The following FAM124B variants were observed in gnomAD, a reference collection of about 807,000 sequenced individuals.
FAM124B encodes the protein family with sequence similarity 124 member B, also known as protein FAM124B.
FAM124B carries 18 observed loss-of-function variants against 19.7 expected under a neutral mutation model. That is an observed-to-expected ratio of 0.92 (90% CI 0.63 to 1.36). FAM124B has a LOEUF of 1.36. FAM124B is among the 40% of genes most tolerant of loss of function. The probability of loss-of-function intolerance (pLI) is 0.00; values close to 1 mark genes in which losing one functional copy is unlikely to be tolerated. For synonymous variants in FAM124B, 223 were observed against 225.2 expected (o/e 0.99, Z 0.09); for missense variants, 540 against 553.3 (o/e 0.98, Z 0.24).
At chr2:224,393,389 A>C (rs1689919104) in intron 1 of FAM124B, among the ~76,000 whole-genome samples, 1 of 152,220 alleles carries the variant, frequency 6.6e-6, no homozygotes, top group African/African-American at 2.4e-5. Context: ...TCTGTTACTT[A>C]TCTGTCCTGC....
At chr2:224,400,336 C>T (rs569398820) in intron 1 of FAM124B, 10 of 617,866 alleles carry the variant, frequency 1.6e-5, no homozygotes, top group African/African-American at 7.3e-5. Flanking sequence ...AGTGAGACCC[C>T]GTCTCTAGAA....
In FAM124B at chr2:224,379,674, G is replaced by C; in HGVS notation, c.1267C>G (p.Gln423Glu). The C allele has an allele frequency of 6.4e-7, 1 of 1,551,590 alleles. No homozygotes were observed. The highest frequency in any genetic ancestry group is 8.7e-7 in the Non-Finnish European group (1 of 1,146,986). ...GTCTTCCTGGTACCAAGGTCCCTTT[G>C]GCCAGCAAGTGGCAAAGGAGAGACT... Reference protein sequence around the residue: ...ERVSPLPLAGQRDLGTRKTIS... With the variant: ...ERVSPLPLAGERDLGTRKTIS... Residue 423 changes from glutamine (Q) to glutamate (E), a missense_variant, in exon 2 of 2, where the codon CAA becomes GAA. By Grantham distance (29) the Gln-to-Glu change is conservative. Coordinates refer to ENST00000409685, the MANE Select transcript of FAM124B (RefSeq NM_001122779.2).
intron 1 of FAM124B, among the ~76,000 whole-genome samples, chr2:224,381,731 G>A (rs373550925): frequency 6.6e-6 from 1 of 152,118 alleles, no homozygotes; most frequent in African/African-American, 2.4e-5. Context: ...TGTAACACAT[G>A]TACCACTCTG....
At chr2:224,398,285 AG>A (rs1390069786) in intron 1 of FAM124B, among the ~76,000 whole-genome samples, 1 of 152,098 alleles carries the variant, frequency 6.6e-6, no homozygotes, top group Admixed American at 6.6e-5. Flanking sequence ...TTCAGTAGAC[AG>A]GGGGATTTAC....
At chr2:224,380,976 C>T (rs1294689574) in intron 1 of FAM124B, among the ~76,000 whole-genome samples, 1 of 152,180 alleles carries the variant, frequency 6.6e-6, no homozygotes, top group African/African-American at 2.4e-5. Context: ...CCCTTTAAGA[C>T]TTCCACCCTT....
chr2:224,400,903 G>T, intron 1 of FAM124B, 134 bp downstream of exon 1: 4 of 1,184,922 alleles, frequency 3.4e-6, no homozygotes, highest in East Asian at 2.5e-5. Flanking sequence ...ACTGCCCTGG[G>T]GTGGGAATTT....
intron 1 of FAM124B, among the ~76,000 whole-genome samples, chr2:224,390,905 G>A (rs995985649): frequency 2.6e-4 from 40 of 151,064 alleles, no homozygotes; most frequent in African/African-American, 7.8e-4. Flanking sequence ...GGGTTTCACC[G>A]TGTTAGCCAG....
chr2:224,380,752 G>C (rs1689701641), intron 1 of FAM124B, among the ~76,000 whole-genome samples: 1 of 152,182 alleles, frequency 6.6e-6, no homozygotes, highest in African/African-American at 2.4e-5. Context: ...TAATTTGGCA[G>C]CAATATTCTT....
intron 1 of FAM124B, chr2:224,400,411 C>T (rs1377141116): frequency 1.4e-6 from 1 of 692,716 alleles, no homozygotes; most frequent in Admixed American, 2.0e-5. Context: ...GAGGCTAAGG[C>T]AGGAGGATCA....
intron 1 of FAM124B, among the ~76,000 whole-genome samples, chr2:224,390,207 G>A (rs1311217224): frequency 1.2e-4 from 18 of 151,022 alleles, no homozygotes; most frequent in Non-Finnish European, 2.5e-4. Context: ...AAAGAACTGG[G>A]TTATGACGGC....
chr2:224,389,701 T>C (rs1266528199), intron 1 of FAM124B, among the ~76,000 whole-genome samples: 1 of 152,092 alleles, frequency 6.6e-6, no homozygotes, highest in African/African-American at 2.4e-5. Context: ...AGACATCATG[T>C]TTAAATGGTC....
chr2:224,380,983 C>T (rs1382439135), intron 1 of FAM124B, among the ~76,000 whole-genome samples: 1 of 152,126 alleles, frequency 6.6e-6, no homozygotes, highest in Non-Finnish European at 1.5e-5. Context: ...AGACTTCCAC[C>T]CTTGGGAGCC....
intron 1 of FAM124B, among the ~76,000 whole-genome samples, chr2:224,382,831 C>T (rs754890395): frequency 2.0e-5 from 3 of 152,146 alleles, no homozygotes; most frequent in Non-Finnish European, 4.4e-5. Context: ...TCTAGTTCCC[C>T]AGGGCTTCAC....
rs1189248539 is a variant in FAM124B, at chr2:224,379,826, G to T, written c.1115C>A (p.Ser372Tyr). 1 of 1,551,954 alleles carries T rather than the reference G, an allele frequency of 6.4e-7. No individual in the cohort carries two copies. The highest frequency in any genetic ancestry group is 8.7e-7 in the Non-Finnish European group (1 of 1,147,054). ...NVDTGLTIIN[S>Y]EPRQTYFGGF... ...GCCAAAATAAGTCTGCCTGGGTTCA[G>T]AATTTATGATGGTCAAGCCGGTGTC... The change falls in exon 2 of 2, where the codon TCT becomes TAT. Residue 372 changes from serine to tyrosine, a missense_variant. Physicochemically the swap from Ser to Tyr is moderately radical, Grantham distance 144. Transcript: ENST00000409685.
intron 1 of FAM124B, among the ~76,000 whole-genome samples, chr2:224,396,516 G>A (rs1245878270): frequency 6.6e-6 from 1 of 152,124 alleles, no homozygotes; most frequent in Non-Finnish European, 1.5e-5. Flanking sequence ...TGTGGTTATG[G>A]TTCTTCCTTT....
At chr2:224,396,865 G>A (rs113499299) in intron 1 of FAM124B, among the ~76,000 whole-genome samples, 2,234 of 152,286 alleles carry the variant, frequency 0.015, 70 homozygotes, top group African/African-American at 0.05. Context: ...GCCAGCTGGC[G>A]ACCCTGGCGG....
chr2:224,394,191 C>T (rs901112802), intron 1 of FAM124B, among the ~76,000 whole-genome samples: 1 of 152,126 alleles, frequency 6.6e-6, no homozygotes, highest in Admixed American at 6.5e-5. Context: ...TCCAGGCACT[C>T]TCTTTACCTC....
Position 224,401,855 on chromosome 2 carries a change from C to T in FAM124B, c.-87G>A. The T allele has an allele frequency of 6.8e-7, 1 of 1,473,462 alleles. No homozygotes were observed. Among genetic ancestry groups the T allele is most frequent in the Non-Finnish European group, 9.1e-7 (1 of 1,096,700 alleles). The allele number at this position is 1,473,462 out of a possible 1,614,324, so 91.3% of individuals were successfully genotyped here. A position where few individuals can be genotyped will look rare whatever the true frequency, so the allele number is the denominator to read the frequency against. ...GAAATGAATGAAGAAGCGGCCCAGCCTTCAGCCCGCCTGAAAACCTTCAGC... is the reference window on the plus strand; with the variant it reads ...GAAATGAATGAAGAAGCGGCCCAGCTTTCAGCCCGCCTGAAAACCTTCAGC... On this transcript the variant is annotated 5_prime_UTR_variant, in exon 1 of 2. Transcript: ENST00000409685.
At chr2:224,380,361 T>C (rs1449295781) in intron 1 of FAM124B, among the ~76,000 whole-genome samples, 153 bp from the exon 2 acceptor site, 2 of 152,172 alleles carry the variant, frequency 1.3e-5, no homozygotes, top group Non-Finnish European at 2.9e-5. Flanking sequence ...AAGTACAATA[T>C]AATTATGAGA....
Sources: allele counts gnomAD v4.1 joint callset (sites outside exome capture counted in the v4.1 genomes callset), GRCh38; gene constraint gnomAD v4.1.1; transcripts MANE v1.5; gene names NCBI Gene and HGNC (gene_info 2026-07-23, HGNC 2026-07-21).